Variants in PTBP3 observed in about 807,000 individuals in gnomAD.
PTBP3 encodes the protein polypyrimidine tract binding protein 3.
Under a neutral mutation model 58.7 loss-of-function variants are expected in PTBP3, and 20 were observed. That is an observed-to-expected ratio of 0.34 (90% CI 0.24 to 0.50). The LOEUF (loss-of-function observed/expected upper bound fraction) is 0.50. Ranked by LOEUF, PTBP3 falls within the 20% of genes least tolerant of loss-of-function variation. The pLI, the probability that PTBP3 is intolerant of heterozygous loss-of-function variation, is 0.98. For synonymous variants in PTBP3, 185 were observed against 219.8 expected, an observed-to-expected ratio of 0.84 and a Z score of 1.40; for missense variants, 509 against 637.2, an observed-to-expected ratio of 0.80 and a Z score of 2.17.
chr9:112,358,342 C>A, the PTBP3 span, among the ~76,000 whole-genome samples: 1 of 152,082 alleles, frequency 6.6e-6, no homozygotes, highest in Non-Finnish European at 1.5e-5. Flanking sequence ...GAGGGTGCCA[C>A]TGATGCTACT....
intron 1 of PTBP3, among the ~76,000 whole-genome samples, chr9:112,306,065 T>G (rs1050117586): frequency 6.6e-6 from 1 of 152,238 alleles, no homozygotes; most frequent in African/African-American, 2.4e-5. Flanking sequence ...GTGTCAGATG[T>G]AAGGGCAGTC....
At chr9:112,366,866 G>T in the PTBP3 span, among the ~76,000 whole-genome samples, 2 of 152,138 alleles carry the variant, frequency 1.3e-5, no homozygotes, top group African/African-American at 4.8e-5. Context: ...CTCAATCCTA[G>T]CCTGTGAAAG....
At position 112,264,406 on chromosome 9, in the gene PTBP3, T is replaced by A. The variant is rs568784925; in HGVS notation, c.352-1807A>T. On this transcript the variant is annotated intron_variant, in intron 4 of 13. Coordinates refer to ENST00000374257, the MANE Select transcript of PTBP3 (RefSeq NM_001163788.4). ...ATTTCTCAAATGCTGTATCTCAGAA[T>A]ATGACCTAAATTTTACAGTTGTGAC... is the stretch of plus-strand genomic sequence containing the variant. Among the ~76,000 whole-genome samples, 150 of 152,330 alleles carry A rather than the reference T, an allele frequency of 9.8e-4. 1 individual carries two copies. The highest frequency in any genetic ancestry group is 3.6e-3 in the African/African-American group (148 of 41,582).
chr9:112,242,422 T>C (rs1044275177), intron 7 of PTBP3: 1 of 132,406 alleles, frequency 7.6e-6, no homozygotes, highest in Admixed American at 7.7e-5. Flanking sequence ...ATTTACAATA[T>C]GTAAATTATT....
At chr9:112,350,182 A>G in the PTBP3 span, among the ~76,000 whole-genome samples, 1 of 152,086 alleles carries the variant, frequency 6.6e-6, no homozygotes, top group Admixed American at 6.6e-5. Context: ...GAGGATGCAA[A>G]AGCATAAGAA....
At chr9:112,252,642 T>C (rs754890660) in intron 6 of PTBP3, 36 bp downstream of exon 6, 2 of 1,452,878 alleles carry the variant, frequency 1.4e-6, no homozygotes, top group South Asian at 1.1e-5. Flanking sequence ...ACTGGAGTGA[T>C]TAACAATTGA....
intron 12 of PTBP3, among the ~76,000 whole-genome samples, chr9:112,224,646 C>A (rs3849125): frequency 2.8e-3 from 434 of 152,316 alleles, no homozygotes; most frequent in Non-Finnish European, 5.0e-3. Context: ...TGGCTGTCAG[C>A]CTCTAAGGTG....
intron 2 of PTBP3, among the ~76,000 whole-genome samples, chr9:112,280,619 C>T (rs1827815005): frequency 6.6e-6 from 1 of 152,150 alleles, no homozygotes; most frequent in Non-Finnish European, 1.5e-5. Context: ...CAAATGCCTT[C>T]TCCAGATCTC....
At chr9:112,368,217 C>T in the PTBP3 span, among the ~76,000 whole-genome samples, 2 of 152,212 alleles carry the variant, frequency 1.3e-5, no homozygotes, top group Admixed American at 6.5e-5. Context: ...GTTGCCCAGG[C>T]TGGAGTACAA....
intron 1 of PTBP3, chr9:112,332,886 T>C: frequency 1.2e-6 from 2 of 1,605,478 alleles, no homozygotes; most frequent in Non-Finnish European, 1.7e-6. Context: ...AGCGTTAACG[T>C]ATCTCACAGC....
the PTBP3 span, among the ~76,000 whole-genome samples, chr9:112,366,128 C>G: frequency 6.6e-6 from 1 of 151,896 alleles, no homozygotes; most frequent in Non-Finnish European, 1.5e-5. Flanking sequence ...ACTAAAAATA[C>G]AAAAATTAGC....
rs372165591 is a variant in PTBP3 at position 112,297,465 on chromosome 9, A to G, written c.34+367T>C. Among the ~76,000 whole-genome samples the G allele has an allele frequency of 5.3e-5, 8 of 152,332 alleles. No homozygotes were observed. The South Asian group carries it at 1.7e-3, about 32-fold the overall frequency. ...GGTGATCAGCCAGCCTCGGCCTCCC[A>G]AAGTGCTGGGGATTACAGGCATGAG... On this transcript the variant is annotated intron_variant, in intron 2 of 13. Transcript: ENST00000374257.
chr9:112,359,307 T>C, the PTBP3 span, among the ~76,000 whole-genome samples: 1 of 149,692 alleles, frequency 6.7e-6, no homozygotes, highest in Non-Finnish European at 1.5e-5. Context: ...ATTAGCCGGG[T>C]ATGATGGCGG....
Position 112,220,248 on chromosome 9 carries a change from C to T in PTBP3, c.*3603G>A. ...CAATATGCTAAACATGTAAGCACTG[C>T]TGACTGATGGCACGGAGACACTGAA... On this transcript the variant is annotated 3_prime_UTR_variant, in exon 14 of 14. Transcript: ENST00000374257. 1.5e-6 allele frequency: 2 copies of T among 1,345,640 alleles called. No homozygotes were observed. The highest frequency in any genetic ancestry group is 2.0e-6 in the Non-Finnish European group (2 of 1,019,056). The allele number at this position is 1,345,640 out of a possible 1,614,324, so 83.4% of individuals were successfully genotyped here.
At chr9:112,311,219 T>C (rs1419635885) in intron 1 of PTBP3, among the ~76,000 whole-genome samples, 1 of 151,880 alleles carries the variant, frequency 6.6e-6, no homozygotes, top group Admixed American at 6.6e-5. Flanking sequence ...TAATATACGA[T>C]TGGCCCACCG....
the PTBP3 span, among the ~76,000 whole-genome samples, chr9:112,351,617 C>T: frequency 1.3e-5 from 2 of 152,212 alleles, no homozygotes; most frequent in African/African-American, 4.8e-5. Flanking sequence ...TAGAATTCTT[C>T]TGTACAGATG....
chr9:112,349,510 CTG>C, the PTBP3 span, among the ~76,000 whole-genome samples: 20 of 152,166 alleles, frequency 1.3e-4, no homozygotes, highest in Middle Eastern at 3.4e-3. Flanking sequence ...TCAAACAGGG[CTG>C]TGTTATGGGA....
rs1414997271 is a variant in PTBP3 at position 112,220,820 on chromosome 9, C to T, written c.*3031G>A. 1.3e-5 allele frequency: 13 copies of T among 974,638 alleles called. No homozygotes were observed. The highest frequency in any genetic ancestry group is 1.6e-5 in the Non-Finnish European group (13 of 820,196). 60.4% of individuals were successfully genotyped at this position (974,638 alleles called of 1,614,324 possible). A position where few individuals can be genotyped will look rare whatever the true frequency, so the allele number is the denominator to read the frequency against. On this transcript the variant is annotated 3_prime_UTR_variant, in exon 14 of 14. Transcript: ENST00000374257. ...TTTTTTAAAGTCCTGAATATATATA[C>T]TTTGTGTAGAAGTCAAGACACCTTG...
chr9:112,252,548 A>T, intron 6 of PTBP3, 130 bp downstream of exon 6: 1 of 686,482 alleles, frequency 1.5e-6, no homozygotes, highest in Non-Finnish European at 2.5e-6. Flanking sequence ...CATACACTTT[A>T]AAACGACTAA....
Sources: allele counts gnomAD v4.1 joint callset (sites outside exome capture counted in the v4.1 genomes callset), GRCh38; gene constraint gnomAD v4.1.1; transcripts MANE v1.5; gene names NCBI Gene and HGNC (gene_info 2026-07-23, HGNC 2026-07-21).